The following ADARB2 variants were observed in gnomAD, a reference collection of about 807,000 sequenced individuals.
The protein encoded by ADARB2 is inactive double-stranded RNA-specific editase B2.
A neutral mutation model predicts 62.2 loss-of-function variants in ADARB2; 25 were observed. The ratio of observed to expected loss-of-function variants is 0.40; its 90% CI spans 0.29 to 0.56. ADARB2 has a LOEUF of 0.56. Ranked by LOEUF, ADARB2 falls within the 20% of genes least tolerant of loss-of-function variation. ADARB2 has a pLI of 0.43. For synonymous variants in ADARB2, 572 were observed against 500.8 expected, an observed-to-expected ratio of 1.14 and a Z score of -1.90; for missense variants, 1,071 against 1,077.4, an observed-to-expected ratio of 0.99 and a Z score of 0.08.
intron 4 of ADARB2, among the ~76,000 whole-genome samples, chr10:1,267,889 A>G (rs777022549): frequency 6.6e-5 from 10 of 152,176 alleles, no homozygotes; most frequent in Non-Finnish European, 1.3e-4. Context: ...AGCTGTTACA[A>G]TCACTCAAAA....
chr10:1,260,517 CAGAG>C (rs1242734313), intron 4 of ADARB2, among the ~76,000 whole-genome samples: 1 of 151,684 alleles, frequency 6.6e-6, no homozygotes, highest in Non-Finnish European at 1.5e-5. Context: ...AACAGACGAA[CAGAG>C]AGCCAAATCA....
chr10:1,619,857 G>T (rs971000738), intron 1 of ADARB2, among the ~76,000 whole-genome samples: 2 of 152,062 alleles, frequency 1.3e-5, no homozygotes, highest in African/African-American at 4.8e-5. Context: ...TGATGTTTTT[G>T]ACCACAATGA....
chr10:1,686,599 A>G (rs1485157685), intron 1 of ADARB2, among the ~76,000 whole-genome samples: 1 of 151,974 alleles, frequency 6.6e-6, no homozygotes, highest in African/African-American at 2.4e-5. Context: ...GGGACTGTGA[A>G]CCCGCTGGGC....
intron 3 of ADARB2, among the ~76,000 whole-genome samples, chr10:1,340,044 A>T (rs1446822310): frequency 6.6e-6 from 1 of 152,090 alleles, no homozygotes; most frequent in Non-Finnish European, 1.5e-5. Context: ...GCCTAGAGCC[A>T]CGTGGGTCCG....
chr10:1,722,144 C>T (rs1005102678), intron 1 of ADARB2, among the ~76,000 whole-genome samples: 20 of 151,884 alleles, frequency 1.3e-4, no homozygotes, highest in African/African-American at 3.6e-4. Context: ...GTAAACCCTT[C>T]GTTACACTGT....
intron 1 of ADARB2, among the ~76,000 whole-genome samples, chr10:1,525,871 G>A (rs906635137): frequency 5.3e-5 from 8 of 152,108 alleles, no homozygotes; most frequent in Non-Finnish European, 1.2e-4. Flanking sequence ...GTCTGCGTGC[G>A]TTTATGTGCG....
intron 6 of ADARB2, among the ~76,000 whole-genome samples, chr10:1,223,540 T>C (rs1830715551): frequency 1.3e-5 from 2 of 152,348 alleles, no homozygotes; most frequent in South Asian, 4.1e-4. Flanking sequence ...GCCCATTCAG[T>C]ATGATATTGG....
At chr10:1,329,800 G>A (rs1831911112) in intron 3 of ADARB2, among the ~76,000 whole-genome samples, 1 of 152,176 alleles carries the variant, frequency 6.6e-6, no homozygotes, top group Non-Finnish European at 1.5e-5. Flanking sequence ...CTGGACAGAA[G>A]CGTTTGTAAG....
chr10:1,312,666 G>A (rs1831703153), intron 3 of ADARB2, among the ~76,000 whole-genome samples: 1 of 152,210 alleles, frequency 6.6e-6, no homozygotes, highest in African/African-American at 2.4e-5. Flanking sequence ...ATTTAGAGGG[G>A]AGGAAAAAGA....
intron 1 of ADARB2, among the ~76,000 whole-genome samples, chr10:1,447,047 GTTAA>G (rs968492898): frequency 1.3e-5 from 2 of 152,170 alleles, no homozygotes; most frequent in African/African-American, 4.8e-5. Context: ...AAATTTCTTA[GTTAA>G]TTAAAGCTGT....
rs1272381722 is a variant in ADARB2, at chr10:1,327,619, G to A, written c.1077+35409C>T. ...GCACAGCGCCTCCTCACTGCCCAGC[G>A]CCTCCCCACGGCACAGCGCCTCCTC... On this transcript the variant is annotated intron_variant, in intron 3 of 9. Coordinates refer to ENST00000381312, the MANE Select transcript of ADARB2 (RefSeq NM_018702.4). Among the ~76,000 whole-genome samples the A allele has an allele frequency of 1.7e-3, 182 of 104,732 alleles. 7 individuals carry two copies. The highest frequency in any genetic ancestry group is 6.9e-3 in the African/African-American group (171 of 24,650). The allele number at this position is 104,732 out of a possible 152,430, so 68.7% of individuals were successfully genotyped here.
At chr10:1,347,649 G>A (rs766642620) in intron 3 of ADARB2, among the ~76,000 whole-genome samples, 16 of 152,152 alleles carry the variant, frequency 1.1e-4, no homozygotes, top group Non-Finnish European at 2.2e-4. Flanking sequence ...CATCGGCTAC[G>A]AGACCCTCAG....
At chr10:1,227,183 C>T (rs1215802387) in intron 6 of ADARB2, among the ~76,000 whole-genome samples, 1 of 152,204 alleles carries the variant, frequency 6.6e-6, no homozygotes, top group Non-Finnish European at 1.5e-5. Context: ...AGCGAGACTC[C>T]GTGGGTGTAG....
intron 3 of ADARB2, 124 bp from the exon 4 acceptor site, chr10:1,271,193 C>T (rs1831259008): frequency 1.4e-6 from 1 of 708,916 alleles, no homozygotes; most frequent in African/African-American, 1.8e-5. Context: ...CTGCTCTCCT[C>T]CCCTCCTCAC....
chr10:1,612,512 T>A (rs1833585260), intron 1 of ADARB2, among the ~76,000 whole-genome samples: 2 of 152,248 alleles, frequency 1.3e-5, no homozygotes, highest in Non-Finnish European at 1.5e-5. Flanking sequence ...ACATTCCTAA[T>A]ATTACTCATC....
chr10:1,397,820 C>G (rs374832263), intron 1 of ADARB2, among the ~76,000 whole-genome samples: 11 of 74,410 alleles, frequency 1.5e-4, no homozygotes, highest in African/African-American at 6.4e-4. Context: ...CTCCCGAGCG[C>G]AGGCTTCCTG....
chr10:1,265,962 A>G (rs1433954222), intron 4 of ADARB2, among the ~76,000 whole-genome samples: 49 of 80,084 alleles, frequency 6.1e-4, no homozygotes, highest in African/African-American at 1.0e-3. Flanking sequence ...GGGGGCCCAG[A>G]CTCTCCCGGA....
intron 1 of ADARB2, among the ~76,000 whole-genome samples, chr10:1,449,788 A>T (rs55689817): frequency 2.0e-5 from 3 of 152,160 alleles, no homozygotes; most frequent in African/African-American, 7.2e-5. Flanking sequence ...TTTAATCTCT[A>T]TTAGGCACTC....
intron 1 of ADARB2, among the ~76,000 whole-genome samples, chr10:1,576,380 G>A (rs1241361778): frequency 2.0e-5 from 3 of 151,332 alleles, no homozygotes; most frequent in Non-Finnish European, 4.4e-5. Flanking sequence ...GTCACAGGAG[G>A]GGGCTCAGAG....
Sources: gnomAD v4.1 joint callset for allele counts (sites outside exome capture counted in the v4.1 genomes callset) on GRCh38, gnomAD v4.1.1 for gene constraint, MANE v1.5 for transcripts, NCBI Gene and HGNC (gene_info 2026-07-23, HGNC 2026-07-21) for gene names.